The following RAD51B variants were observed in gnomAD, a reference collection of about 807,000 sequenced individuals.
RAD51B encodes DNA repair protein RAD51 homolog 2.
RAD51B carries 38 observed loss-of-function variants against 42.2 expected under a neutral mutation model. That is an observed-to-expected ratio of 0.90 (90% CI 0.70 to 1.18). The LOEUF (loss-of-function observed/expected upper bound fraction) is 1.18, where lower values mean the gene tolerates loss of function less well. Among genes scored for constraint, RAD51B ranks in the 50% most tolerant of loss-of-function variants. The pLI, the probability that RAD51B is intolerant of heterozygous loss-of-function variation, is 0.00. For missense variants in RAD51B, 373 were observed against 400.7 expected (o/e 0.93, Z 0.59); for synonymous variants, 154 against 145.2 (o/e 1.06, Z -0.43).
intron 8 of RAD51B, among the ~76,000 whole-genome samples, chr14:68,332,332 A>G (rs745649254): frequency 3.9e-5 from 6 of 152,244 alleles, no homozygotes; most frequent in South Asian, 4.1e-4. Flanking sequence ...ACATCTCTGC[A>G]TATATAAACA....
chr14:68,667,536 TA>T (rs1893057538), intron 11 of RAD51B, among the ~76,000 whole-genome samples: 1 of 152,184 alleles, frequency 6.6e-6, no homozygotes, highest in African/African-American at 2.4e-5. Flanking sequence ...AGTTGACACA[TA>T]AAATTAACCA....
At chr14:68,315,675 C>G (rs183707816) in intron 8 of RAD51B, among the ~76,000 whole-genome samples, 2 of 152,234 alleles carry the variant, frequency 1.3e-5, no homozygotes, top group African/African-American at 4.8e-5. Context: ...GTGCCCGCCA[C>G]CACGCCCGGC....
At chr14:68,605,119 C>G (rs1480989134) in intron 10 of RAD51B, among the ~76,000 whole-genome samples, 2 of 152,118 alleles carry the variant, frequency 1.3e-5, no homozygotes, top group Non-Finnish European at 2.9e-5. Context: ...CTGACTTGGT[C>G]AAGTTTTACT....
chr14:67,829,948 A>G (rs932845805), intron 3 of RAD51B, among the ~76,000 whole-genome samples: 3 of 152,360 alleles, frequency 2.0e-5, no homozygotes, highest in Middle Eastern at 6.8e-3. Flanking sequence ...GCAAGGAAGC[A>G]ATACTTTAGC....
At chr14:68,134,236 ACTTTT>A (rs1451173670) in intron 7 of RAD51B, among the ~76,000 whole-genome samples, 8 of 151,922 alleles carry the variant, frequency 5.3e-5, no homozygotes, top group African/African-American at 1.9e-4. Flanking sequence ...GGCTTTTTCC[ACTTTT>A]CTTATGGTTC....
At chr14:68,143,191 A>G (rs1478583624) in intron 7 of RAD51B, among the ~76,000 whole-genome samples, 3 of 152,134 alleles carry the variant, frequency 2.0e-5, no homozygotes, top group Non-Finnish European at 4.4e-5. Context: ...CTTAGCTGCT[A>G]TTAGTGTCCC....
intron 9 of RAD51B, among the ~76,000 whole-genome samples, chr14:68,465,269 T>A (rs2140225358): frequency 6.6e-6 from 1 of 152,296 alleles, no homozygotes; most frequent in Non-Finnish European, 1.5e-5. Context: ...AGGATTTACG[T>A]TTATCTTATC....
At chr14:67,919,067 A>C (rs887180098) in intron 7 of RAD51B, among the ~76,000 whole-genome samples, 3 of 152,198 alleles carry the variant, frequency 2.0e-5, no homozygotes, top group Non-Finnish European at 2.9e-5. Flanking sequence ...TTGGAGCAGG[A>C]AGGTGGAAAC....
At chr14:68,512,023 A>G (rs957422176) in intron 10 of RAD51B, among the ~76,000 whole-genome samples, 13 of 152,276 alleles carry the variant, frequency 8.5e-5, no homozygotes, top group Admixed American at 5.9e-4. Flanking sequence ...AAAGAAGGAA[A>G]GGACTTTTCC....
chr14:68,528,662 TAA>T (rs1887088913), intron 10 of RAD51B, among the ~76,000 whole-genome samples: 1 of 143,260 alleles, frequency 7.0e-6, no homozygotes, highest in African/African-American at 2.6e-5. Flanking sequence ...TGTTCAGAAC[TAA>T]TTATTTACCT....
chr14:68,543,617 C>T (rs1339615748), intron 10 of RAD51B, among the ~76,000 whole-genome samples: 3 of 152,202 alleles, frequency 2.0e-5, no homozygotes, highest in African/African-American at 4.8e-5. Flanking sequence ...TCTAAAAGGG[C>T]AGTCAGTGTC....
intron 7 of RAD51B, among the ~76,000 whole-genome samples, chr14:68,211,480 A>G (rs943607090): frequency 2.6e-5 from 4 of 152,324 alleles, no homozygotes; most frequent in African/African-American, 9.6e-5. Flanking sequence ...TTAAGGGGGA[A>G]AAAAGAAAAA....
chr14:68,545,804 G>A (rs943030924), intron 10 of RAD51B, among the ~76,000 whole-genome samples: 1 of 152,160 alleles, frequency 6.6e-6, no homozygotes, highest in African/African-American at 2.4e-5. Flanking sequence ...GGGAGTGGTG[G>A]GAGAGGGAGT....
At chr14:67,899,816 C>T (rs34805563) in intron 7 of RAD51B, among the ~76,000 whole-genome samples, 2 of 152,174 alleles carry the variant, frequency 1.3e-5, no homozygotes, top group South Asian at 4.1e-4. Context: ...TTATACTATT[C>T]CCTTTTTATA....
At chr14:68,053,798 A>G (rs916153650) in intron 7 of RAD51B, among the ~76,000 whole-genome samples, 1 of 152,148 alleles carries the variant, frequency 6.6e-6, no homozygotes, top group Non-Finnish European at 1.5e-5. Context: ...TCCTCACGTT[A>G]CTTGAAATTC....
At chr14:67,988,550 A>G (rs928716335) in intron 7 of RAD51B, among the ~76,000 whole-genome samples, 2 of 152,222 alleles carry the variant, frequency 1.3e-5, no homozygotes, top group African/African-American at 4.8e-5. Flanking sequence ...CAGGTGTAAT[A>G]GGAAACTGGT....
At chr14:68,421,721 C>A in intron 9 of RAD51B, 1 of 1,589,582 alleles carries the variant, frequency 6.3e-7, no homozygotes, top group East Asian at 2.2e-5. Context: ...CCACAGTCAG[C>A]AATGGTGATC....
chr14:68,305,217 GA>G (rs1489302037), intron 8 of RAD51B, among the ~76,000 whole-genome samples: 2 of 152,162 alleles, frequency 1.3e-5, no homozygotes, highest in Non-Finnish European at 2.9e-5. Context: ...GAGTGAGACT[GA>G]AACCAAAATT....
chr14:68,659,285 T>C (rs1229086326), intron 11 of RAD51B, among the ~76,000 whole-genome samples: 1 of 152,070 alleles, frequency 6.6e-6, no homozygotes, highest in Non-Finnish European at 1.5e-5. Flanking sequence ...CCCATTTCTC[T>C]CCTCTCTGGA....
Sources: gnomAD v4.1 joint callset for allele counts (sites outside exome capture counted in the v4.1 genomes callset) on GRCh38, gnomAD v4.1.1 for gene constraint, MANE v1.5 for transcripts, NCBI Gene and HGNC (gene_info 2026-07-23, HGNC 2026-07-21) for gene names.